AGBL3: variants seen among roughly 807,000 people sequenced by gnomAD.
The protein encoded by AGBL3 is cytosolic carboxypeptidase 3.
In AGBL3, 68 loss-of-function variants were observed where a neutral mutation model predicts 94.5. The observed-to-expected ratio is 0.72, with a 90% confidence interval of 0.59 to 0.88. The LOEUF is 0.88. Among genes scored for constraint, AGBL3 ranks in the 40% least tolerant of loss-of-function variants. The pLI is 0.00. For synonymous variants in AGBL3, 354 were observed against 370.7 expected, an observed-to-expected ratio of 0.95 and a Z score of 0.52; for missense variants, 934 against 1,103.8, an observed-to-expected ratio of 0.85 and a Z score of 2.18.
Position 135,034,862 on chromosome 7 carries a change from G to C in AGBL3, c.1271G>C (p.Arg424Pro), listed in dbSNP as rs566335317. Residue 424 changes from arginine to proline, a missense_variant, in exon 7 of 17, where the codon CGT becomes CCT. Arg to Pro is a moderately radical substitution (Grantham distance 103). Coordinates refer to ENST00000436302, the MANE Select transcript of AGBL3 (RefSeq NM_178563.4). ...TCCTTAGCTGGACGGGATTTAAACC[G>C]TAATTATACATCTCTCCTGAAGGAA... ...RCSLAGRDLN[R>P]NYTSLLKESF... 1.1e-5 allele frequency: 17 copies of C among 1,550,870 alleles called. No individual in the cohort carries two copies. In the Admixed American group the frequency reaches 2.6e-4, roughly 23 times the overall value.
In AGBL3 at chr7:135,058,041, T is replaced by G. The variant is rs1818489264; in HGVS notation, c.1842-1128T>G. Among the ~76,000 whole-genome samples the G allele has an allele frequency of 2.6e-5, 4 of 152,330 alleles. 1 individual carries two copies. The South Asian group carries it at 8.3e-4, about 32-fold the overall frequency. On this transcript the variant is annotated intron_variant, in intron 11 of 16. Coordinates refer to ENST00000436302, the MANE Select transcript of AGBL3 (RefSeq NM_178563.4). ...TATAAAGTTGTCAAAACTCATAGAATGTATACCACAAGAGTAAACCCTAAG... is the reference window on the plus strand; with the variant it reads ...TATAAAGTTGTCAAAACTCATAGAAGGTATACCACAAGAGTAAACCCTAAG...
At chr7:135,057,257 T>C (rs1818421261) in intron 11 of AGBL3, among the ~76,000 whole-genome samples, 1 of 152,052 alleles carries the variant, frequency 6.6e-6, no homozygotes, top group Non-Finnish European at 1.5e-5. Flanking sequence ...TAACTCCAAA[T>C]GAATTATAGA....
chr7:135,009,577 C>A (rs771308613), intron 4 of AGBL3, among the ~76,000 whole-genome samples: 32 of 151,920 alleles, frequency 2.1e-4, no homozygotes, highest in Non-Finnish European at 4.0e-4. Context: ...TATTTTGTTC[C>A]ATAAAGGGAG....
intron 15 of AGBL3, among the ~76,000 whole-genome samples, chr7:135,089,806 C>G (rs1029226156): frequency 6.6e-6 from 1 of 152,200 alleles, no homozygotes; most frequent in African/African-American, 2.4e-5. Flanking sequence ...AACCTACAAG[C>G]AGCTGCAGTG....
intron 15 of AGBL3, among the ~76,000 whole-genome samples, chr7:135,104,311 C>T (rs528698502): frequency 6.6e-6 from 1 of 152,128 alleles, no homozygotes; most frequent in Non-Finnish European, 1.5e-5. Context: ...TTATTCAGTC[C>T]ACCATTGATA....
intron 16 of AGBL3, among the ~76,000 whole-genome samples, chr7:135,123,742 C>A (rs1333367759): frequency 1.3e-5 from 2 of 152,144 alleles, no homozygotes; most frequent in Non-Finnish European, 2.9e-5. Flanking sequence ...CAATATTCAA[C>A]ATTCTTAGAG....
At chr7:134,989,220 A>G (rs765436749) in intron 2 of AGBL3, 30 bp from the exon 3 acceptor site, 21 of 1,499,674 alleles carry the variant, frequency 1.4e-5, no homozygotes, top group Middle Eastern at 3.5e-4. Context: ...TGGTTTTTAA[A>G]AGAGAAATAT....
intron 12 of AGBL3, among the ~76,000 whole-genome samples, chr7:135,068,253 G>A (rs577523147): frequency 1.4e-4 from 22 of 152,256 alleles, no homozygotes; most frequent in Middle Eastern, 3.4e-3. Context: ...CCAAATCTAC[G>A]TCTGCTTGGT....
intron 16 of AGBL3, among the ~76,000 whole-genome samples, chr7:135,125,846 C>G (rs543647634): frequency 1.3e-5 from 2 of 152,230 alleles, no homozygotes; most frequent in African/African-American, 2.4e-5. Flanking sequence ...ATTCAACATC[C>G]CTTCATGTTA....
intron 15 of AGBL3, among the ~76,000 whole-genome samples, chr7:135,098,664 C>T (rs150095245): frequency 9.2e-4 from 140 of 152,222 alleles, no homozygotes; most frequent in African/African-American, 3.2e-3. Context: ...AAGGGAATTT[C>T]GCATTTAAGT....
chr7:135,106,879 T>C (rs1421993424), intron 15 of AGBL3, among the ~76,000 whole-genome samples: 1 of 152,160 alleles, frequency 6.6e-6, no homozygotes, highest in Non-Finnish European at 1.5e-5. Context: ...TTATTACTGA[T>C]TCTATTTCAG....
At chr7:135,041,627 A>T (rs1816870822) in intron 8 of AGBL3, among the ~76,000 whole-genome samples, 1 of 152,242 alleles carries the variant, frequency 6.6e-6, no homozygotes, top group Non-Finnish European at 1.5e-5. Context: ...AATTTTTATG[A>T]CATGGAATTA....
chr7:135,124,226 A>AT (rs961743544), intron 16 of AGBL3, among the ~76,000 whole-genome samples: 3 of 151,960 alleles, frequency 2.0e-5, no homozygotes, highest in African/African-American at 7.3e-5. Flanking sequence ...AAAGCAAAAA[A>AT]AAAAAAAGTA....
chr7:135,096,586 TAG>T (rs1822819468), intron 15 of AGBL3, among the ~76,000 whole-genome samples: 1 of 66,132 alleles, frequency 1.5e-5, no homozygotes, highest in African/African-American at 7.0e-5. Flanking sequence ...GATAGATACA[TAG>T]ATAGATAGAT....
In AGBL3 at chr7:135,135,458, G is replaced by GA; in HGVS notation, c.*201dup. 2.5e-6 allele frequency: 1 copy of GA among 393,768 alleles called. No individual in the cohort carries two copies. The highest frequency in any genetic ancestry group is 1.2e-4 in the South Asian group (1 of 8,006). 24.4% of individuals were successfully genotyped at this position (393,768 alleles called of 1,614,324 possible). A position where few individuals can be genotyped will look rare whatever the true frequency, so the allele number is the denominator to read the frequency against. On this transcript the variant is annotated 3_prime_UTR_variant, in exon 17 of 17. Coordinates refer to ENST00000436302, the MANE Select transcript of AGBL3 (RefSeq NM_178563.4). The stretch of plus-strand genomic sequence containing the variant: ...TCAGAGATTTAAAAAGAAATCCAGA[G>GA]AAAATATGGAAAAATATTAAAGCAG...
At chr7:134,997,360 C>T (rs1373885984) in intron 4 of AGBL3, among the ~76,000 whole-genome samples, 3 of 152,206 alleles carry the variant, frequency 2.0e-5, no homozygotes, top group Admixed American at 6.5e-5. Flanking sequence ...ACTTGCTATG[C>T]GGCAGGGTCC....
chr7:135,133,839 A>G (rs1829118667), intron 16 of AGBL3, among the ~76,000 whole-genome samples: 1 of 152,156 alleles, frequency 6.6e-6, no homozygotes, highest in Non-Finnish European at 1.5e-5. Context: ...CATTGAATGG[A>G]TGAATTATTA....
intron 16 of AGBL3, among the ~76,000 whole-genome samples, chr7:135,131,460 A>T (rs1024196488): frequency 6.1e-4 from 25 of 40,664 alleles, no homozygotes; most frequent in Admixed American, 1.1e-3. Context: ...AACAAAAATT[A>T]AAAAAAAAAT....
intron 4 of AGBL3, among the ~76,000 whole-genome samples, chr7:134,999,277 C>G (rs1469453968): frequency 6.6e-6 from 1 of 152,170 alleles, no homozygotes; most frequent in Non-Finnish European, 1.5e-5. Flanking sequence ...AATGTCTAGT[C>G]CTGTCAGGAC....
Sources: allele counts gnomAD v4.1 joint callset (sites outside exome capture counted in the v4.1 genomes callset), GRCh38; gene constraint gnomAD v4.1.1; transcripts MANE v1.5; gene names NCBI Gene and HGNC (gene_info 2026-07-23, HGNC 2026-07-21).